Variants in HNF1B observed in about 807,000 individuals in gnomAD.
The protein encoded by HNF1B is HNF1 homeobox B.
A neutral mutation model predicts 61.7 loss-of-function variants in HNF1B; 8 were observed. That is an observed-to-expected ratio of 0.13 (90% CI 0.08 to 0.23). The LOEUF is 0.23. Among genes scored for constraint, HNF1B ranks in the 10% least tolerant of loss-of-function variants. HNF1B has a pLI of 1.00. For missense variants in HNF1B, 562 were observed against 714.5 expected (o/e 0.79, Z 2.43); for synonymous variants, 314 against 287.7 (o/e 1.09, Z -0.93).
chr17:37,719,319 T>C (rs1331587511), intron 4 of HNF1B, among the ~76,000 whole-genome samples: 2 of 152,052 alleles, frequency 1.3e-5, no homozygotes, highest in Admixed American at 6.6e-5. Flanking sequence ...TAAAATACAA[T>C]CAAAATTGAA....
chr17:37,705,484 A>G (rs529521705), intron 5 of HNF1B, among the ~76,000 whole-genome samples: 1 of 152,326 alleles, frequency 6.6e-6, no homozygotes, highest in African/African-American at 2.4e-5. Flanking sequence ...GAGATTAGCC[A>G]TTACAAGGTT....
rs2034128117 is a variant in HNF1B, at chr17:37,744,901, A to C, written c.-17T>G. On this transcript the variant is annotated 5_prime_UTR_variant, in exon 1 of 9. Coordinates refer to ENST00000617811, the MANE Select transcript of HNF1B (RefSeq NM_000458.4). Reference sequence around the variant, plus strand: ...GGACACCATTTTCCAAGGACGGAAAAAGAAGGGGGTGAGGGGGTGGGTGGG... The same window carrying C: ...GGACACCATTTTCCAAGGACGGAAACAGAAGGGGGTGAGGGGGTGGGTGGG... The C allele has an allele frequency of 6.6e-7, 1 of 1,523,772 alleles. No individual in the cohort carries two copies. Among genetic ancestry groups the C allele is most frequent in the Admixed American group, 1.7e-5 (1 of 59,620 alleles). The allele number at this position is 1,523,772 out of a possible 1,614,324, so 94.4% of individuals were successfully genotyped here.
chr17:37,738,544 C>T (rs62073546), intron 2 of HNF1B, among the ~76,000 whole-genome samples: 1,676 of 152,150 alleles, frequency 0.011, 22 homozygotes, highest in Non-Finnish European at 0.015. Flanking sequence ...GAGTGAAAAC[C>T]GATACAAATT....
chr17:37,742,487 C>G (rs1047120205), intron 1 of HNF1B, among the ~76,000 whole-genome samples: 1 of 152,192 alleles, frequency 6.6e-6, no homozygotes, highest in Non-Finnish European at 1.5e-5. Flanking sequence ...GGCTTGGGAG[C>G]CCCCTGTGCA....
chr17:37,701,573 G>A (rs555139904), intron 6 of HNF1B, among the ~76,000 whole-genome samples: 1 of 152,360 alleles, frequency 6.6e-6, no homozygotes, highest in African/African-American at 2.4e-5. Flanking sequence ...TGTCCACACT[G>A]AGGCACAGGT....
At chr17:37,726,781 C>A (rs376185662) in intron 4 of HNF1B, among the ~76,000 whole-genome samples, 5 of 152,268 alleles carry the variant, frequency 3.3e-5, no homozygotes, top group African/African-American at 1.2e-4. Flanking sequence ...ATAAATGTCT[C>A]CTCTTTGGTG....
At chr17:37,732,830 G>GTTGTTTTT (rs987821081) in intron 3 of HNF1B, among the ~76,000 whole-genome samples, 3 of 145,598 alleles carry the variant, frequency 2.1e-5, no homozygotes, top group Non-Finnish European at 4.5e-5. Context: ...ATAACACAGA[G>GTTGTTTTT]TTGTTTTTTT....
At chr17:37,735,482 G>A (rs1178734062) in intron 2 of HNF1B, among the ~76,000 whole-genome samples, 1 of 152,152 alleles carries the variant, frequency 6.6e-6, no homozygotes, top group African/African-American at 2.4e-5. Context: ...TTTGATTTCG[G>A]CCCATTCACC....
intron 6 of HNF1B, among the ~76,000 whole-genome samples, chr17:37,703,883 G>GCTAAAGCT (rs2032653143): frequency 1.3e-5 from 2 of 152,152 alleles, no homozygotes; most frequent in African/African-American, 2.4e-5. Context: ...TCCGACCCTA[G>GCTAAAGCT]CTAAAGCTGA....
Position 37,705,021 on chromosome 17 carries a change from G to C in HNF1B, c.1235C>G (p.Pro412Arg). The change falls in exon 6 of 9, where the codon CCA becomes CGA. Residue 412 changes from proline to arginine, a missense_variant. Physicochemically the swap from Pro to Arg is moderately radical, Grantham distance 103. Coordinates refer to ENST00000617811, the MANE Select transcript of HNF1B (RefSeq NM_000458.4). ...MISVSGGGLP[P>R]VSTLTNIHSL... ...GTGGATATTCGTCAAGGTGCTGACTGGGGGCAAACCTCCTCCTGAGACTGA... is the reference window on the plus strand; with the variant it reads ...GTGGATATTCGTCAAGGTGCTGACTCGGGGCAAACCTCCTCCTGAGACTGA... 1 of 1,613,988 alleles carries C rather than the reference G, an allele frequency of 6.2e-7. No individual in the cohort carries two copies. Among genetic ancestry groups the C allele is most frequent in the Non-Finnish European group, 8.5e-7 (1 of 1,179,928 alleles).
At chr17:37,732,595 C>A (rs1039116534) in intron 3 of HNF1B, among the ~76,000 whole-genome samples, 2 of 152,134 alleles carry the variant, frequency 1.3e-5, no homozygotes, top group African/African-American at 4.8e-5. Context: ...GACCAAAGAG[C>A]TGAAGTTTTA....
intron 8 of HNF1B, among the ~76,000 whole-genome samples, chr17:37,696,314 G>A (rs2147434021): frequency 6.6e-6 from 1 of 152,284 alleles, no homozygotes; most frequent in South Asian, 2.1e-4. Flanking sequence ...GTGTGCGCCT[G>A]TAGTCTCAGC....
intron 8 of HNF1B, among the ~76,000 whole-genome samples, chr17:37,688,108 C>T (rs2032043040): frequency 6.6e-6 from 1 of 152,176 alleles, no homozygotes; most frequent in Non-Finnish European, 1.5e-5. Flanking sequence ...GGCTGAAGGC[C>T]TCTGATGCCA....
rs1023958476 is a variant in HNF1B at position 37,686,703 on chromosome 17, A to AG, written c.*668dup. On this transcript the variant is annotated 3_prime_UTR_variant, in exon 9 of 9. Transcript: ENST00000617811. ...GTGTCCAGGCCCGCGGGAGAGGACA[A>AG]GGGGCTTCACTTCCCACTTAGGATG... is the stretch of plus-strand genomic sequence containing the variant. 2 of 172,120 alleles carry AG rather than the reference A, an allele frequency of 1.2e-5. No homozygotes were observed. Among genetic ancestry groups the AG allele is most frequent in the African/African-American group, 4.8e-5 (2 of 41,802 alleles). The allele number at this position is 172,120 out of a possible 1,614,324, so 10.7% of individuals were successfully genotyped here.
rs568694471 is a variant in HNF1B, at chr17:37,700,697, C to A, written c.1534+286G>T. Among the ~76,000 whole-genome samples, 22 of 152,262 alleles carry A rather than the reference C, an allele frequency of 1.4e-4. No individual in the cohort carries two copies. The East Asian group carries it at 4.0e-3, about 28-fold the overall frequency. On this transcript the variant is annotated intron_variant, in intron 7 of 8. Transcript: ENST00000617811. ...CAGAGGTGTTGGAATGGGAAATTGG[C>A]GGTGTGTGTTCCACATGCTGTCTGG... is the stretch of plus-strand genomic sequence containing the variant.
chr17:37,727,908 G>A (rs930610704), intron 4 of HNF1B, among the ~76,000 whole-genome samples: 42 of 152,192 alleles, frequency 2.8e-4, no homozygotes, highest in Non-Finnish European at 1.3e-4. Context: ...GGAGGGATTC[G>A]GGCCTTGTTC....
chr17:37,712,169 G>A (rs1346186822), intron 4 of HNF1B, among the ~76,000 whole-genome samples: 1 of 152,244 alleles, frequency 6.6e-6, no homozygotes, highest in Non-Finnish European at 1.5e-5. Flanking sequence ...CTTGACGCTT[G>A]CTCTATGAGC....
chr17:37,701,405 T>C (rs1355217485), intron 6 of HNF1B, among the ~76,000 whole-genome samples: 1 of 152,236 alleles, frequency 6.6e-6, no homozygotes, highest in African/African-American at 2.4e-5. Flanking sequence ...ACAGATCTGA[T>C]TAAAGCCTGA....
At chr17:37,706,685 A>C (rs1223304967) in intron 5 of HNF1B, among the ~76,000 whole-genome samples, 2 of 151,514 alleles carry the variant, frequency 1.3e-5, no homozygotes, top group Non-Finnish European at 2.9e-5. Flanking sequence ...TTAAAAAAAA[A>C]AAAAAAAAAA....
Sources: allele counts gnomAD v4.1 joint callset (sites outside exome capture counted in the v4.1 genomes callset), GRCh38; gene constraint gnomAD v4.1.1; transcripts MANE v1.5; gene names NCBI Gene and HGNC (gene_info 2026-07-23, HGNC 2026-07-21).